Variants in LITAF observed in about 807,000 individuals in gnomAD.
LITAF encodes lipopolysaccharide induced TNF factor.
A neutral mutation model predicts 14.5 loss-of-function variants in LITAF; 9 were observed. The ratio of observed to expected loss-of-function variants is 0.62; its 90% CI spans 0.37 to 1.08. The LOEUF (loss-of-function observed/expected upper bound fraction) is 1.08, where lower values mean the gene tolerates loss of function less well. Among genes scored for constraint, LITAF ranks in the 50% least tolerant of loss-of-function variants. The pLI is 0.01. For missense variants in LITAF, 206 were observed against 213.4 expected, an observed-to-expected ratio of 0.97 and a Z score of 0.22; for synonymous variants, 98 against 88.2, an observed-to-expected ratio of 1.11 and a Z score of -0.62.
At chr16:11,572,654 T>C (rs973952843) in intron 1 of LITAF, among the ~76,000 whole-genome samples, 1 of 152,044 alleles carries the variant, frequency 6.6e-6, no homozygotes, top group Admixed American at 6.6e-5. Context: ...CTCAAAACTG[T>C]CAAAGTCACG....
upstream of LITAF, chr16:11,636,464 C>T (rs2065138761): frequency 2.0e-5 from 3 of 152,194 alleles, no homozygotes; most frequent in South Asian, 2.1e-4. Flanking sequence ...TTGGTCAGAC[C>T]AGGTGTGCTA....
At chr16:11,566,466 T>C (rs760826569) in intron 1 of LITAF, among the ~76,000 whole-genome samples, 1 of 152,092 alleles carries the variant, frequency 6.6e-6, no homozygotes, top group African/African-American at 2.4e-5. Context: ...TGGAAAGGCA[T>C]GAAGATTTGG....
chr16:11,608,983 A>AC (rs200348900), intron 3 of LITAF, among the ~76,000 whole-genome samples: 153 of 150,638 alleles, frequency 1.0e-3, no homozygotes, highest in East Asian at 5.5e-3. Flanking sequence ...AAACAAACAA[A>AC]AAAAAACGCA....
At chr16:11,596,459 G>GAGGAGGAGA (rs2064887287) in intron 1 of LITAF, among the ~76,000 whole-genome samples, 1 of 115,638 alleles carries the variant, frequency 8.6e-6, no homozygotes, top group African/African-American at 3.6e-5. Context: ...AATAGAGGAG[G>GAGGAGGAGA]AGGAGGAGGA....
At chr16:11,575,119 T>G (rs1567247982) in intron 1 of LITAF, among the ~76,000 whole-genome samples, 1 of 152,092 alleles carries the variant, frequency 6.6e-6, no homozygotes, top group African/African-American at 2.4e-5. Flanking sequence ...TCTTTTTTTT[T>G]CATGTTGCAC....
Position 11,632,314 on chromosome 16 carries a change from G to A in LITAF, c.85+1219C>T, listed in dbSNP as rs994501614. ...GCAATCCGCTGGCCCCTCCCCACATGGACTGAGAAAGGTGAGGACGACTGG... is the reference window on the plus strand; with the variant it reads ...GCAATCCGCTGGCCCCTCCCCACATAGACTGAGAAAGGTGAGGACGACTGG... On this transcript the variant is annotated intron_variant, in intron 3 of 3. Coordinates refer to the LITAF transcript ENST00000574848. The surrounding 1 kb of genome is among the most constrained non-coding windows in gnomAD (Gnocchi z 4.8). Among the ~76,000 whole-genome samples, 10 of 152,110 alleles carry A rather than the reference G, an allele frequency of 6.6e-5. No homozygotes were observed. Among genetic ancestry groups the A allele is most frequent in the African/African-American group, 2.2e-4 (9 of 41,430 alleles).
intron 1 of LITAF, among the ~76,000 whole-genome samples, chr16:11,576,789 G>A (rs947128140): frequency 6.6e-6 from 1 of 152,140 alleles, no homozygotes; most frequent in Admixed American, 6.5e-5. Flanking sequence ...TCCTCTGAGT[G>A]AGGTAAACAG....
chr16:11,578,995 C>A lies in LITAF; in HGVS notation c.-6+7891G>T, dbSNP rs531360464. ...CCTGAGGTCGGGAGTTCGAGACCAG[C>A]CTGGCCAACATGGGGAAACCCCATC... On this transcript the variant is annotated intron_variant, in intron 1 of 3. Coordinates refer to ENST00000622633, the MANE Select transcript of LITAF (RefSeq NM_001136472.2). Among the ~76,000 whole-genome samples, 6 of 152,250 alleles carry A rather than the reference C, an allele frequency of 3.9e-5. No individual in the cohort carries two copies. The South Asian group carries it at 1.2e-3, about 32-fold the overall frequency.
At chr16:11,564,292 C>G (rs2064418384) in intron 1 of LITAF, among the ~76,000 whole-genome samples, 1 of 152,010 alleles carries the variant, frequency 6.6e-6, no homozygotes, top group African/African-American at 2.4e-5. Flanking sequence ...TCATCCGTGC[C>G]CTTAACTGAT....
intron 1 of LITAF, among the ~76,000 whole-genome samples, chr16:11,594,749 G>A (rs1318800290): frequency 6.6e-6 from 1 of 151,844 alleles, no homozygotes; most frequent in East Asian, 1.9e-4. Flanking sequence ...GGTGGCTCGT[G>A]CCTGTAATCC....
At chr16:11,609,649 G>A (rs966057928) in intron 3 of LITAF, among the ~76,000 whole-genome samples, 7 of 152,302 alleles carry the variant, frequency 4.6e-5, no homozygotes, top group Non-Finnish European at 8.8e-5. Context: ...TCCCGGCTGC[G>A]TGACCGTGAG....
intron 3 of LITAF, among the ~76,000 whole-genome samples, chr16:11,626,694 A>T (rs1412893994): frequency 6.7e-6 from 1 of 149,886 alleles, no homozygotes; most frequent in Non-Finnish European, 1.5e-5. Flanking sequence ...CTGGTCTCGA[A>T]CTCCCACCCT....
upstream of LITAF, among the ~76,000 whole-genome samples, chr16:11,603,319 C>T (rs930034718): frequency 6.6e-6 from 1 of 152,310 alleles, no homozygotes; most frequent in South Asian, 2.1e-4. Flanking sequence ...TGCCTCCATC[C>T]CCAGGATGGG....
chr16:11,570,513 A>G (rs2064525560), intron 1 of LITAF, among the ~76,000 whole-genome samples: 1 of 152,138 alleles, frequency 6.6e-6, no homozygotes, highest in Non-Finnish European at 1.5e-5. Context: ...CCCTACCCGC[A>G]GTGTGGGCGA....
upstream of LITAF, among the ~76,000 whole-genome samples, chr16:11,588,670 T>G (rs62024272): frequency 6.6e-6 from 1 of 151,966 alleles, no homozygotes; most frequent in Admixed American, 6.6e-5. Flanking sequence ...ATTCTCAGGA[T>G]GCAACCAAGG....
upstream of LITAF, among the ~76,000 whole-genome samples, chr16:11,639,925 C>T (rs2065158005): frequency 1.3e-5 from 2 of 152,172 alleles, no homozygotes; most frequent in South Asian, 4.1e-4. Context: ...CAGGCGAGAG[C>T]CACCATGCCC....
chr16:11,567,449 A>AACAAC (rs2064470550), intron 1 of LITAF, among the ~76,000 whole-genome samples: 1 of 151,762 alleles, frequency 6.6e-6, no homozygotes, highest in African/African-American at 2.4e-5. Context: ...AACAAAACAA[A>AACAAC]ACAACAACAA....
chr16:11,631,890 T>C (rs1022177507), intron 3 of LITAF, among the ~76,000 whole-genome samples: 11 of 150,380 alleles, frequency 7.3e-5, no homozygotes, highest in African/African-American at 2.5e-4. Context: ...TTGCTCTGTC[T>C]ACAGGCTGGA....
At chr16:11,595,687 C>CCACTG (rs2064880158) in intron 1 of LITAF, among the ~76,000 whole-genome samples, 1 of 152,170 alleles carries the variant, frequency 6.6e-6, no homozygotes, top group Non-Finnish European at 1.5e-5. Context: ...TGAGATCGTG[C>CCACTG]CACTGCACTC....
Sources: allele counts gnomAD v4.1 joint callset (sites outside exome capture counted in the v4.1 genomes callset), GRCh38; gene constraint gnomAD v4.1.1; non-coding constraint Gnocchi (gnomAD v3.1); transcripts MANE v1.5; gene names NCBI Gene and HGNC (gene_info 2026-07-23, HGNC 2026-07-21).